The following MROH2B variants were observed in gnomAD, a reference collection of about 807,000 sequenced individuals.
The protein encoded by MROH2B is maestro heat-like repeat-containing protein family member 2B.
A neutral mutation model predicts 208.6 loss-of-function variants in MROH2B; 177 were observed. That is an observed-to-expected ratio of 0.85 (90% CI 0.75 to 0.96). The LOEUF (loss-of-function observed/expected upper bound fraction) is 0.96, where lower values mean the gene tolerates loss of function less well. MROH2B is among the 40% of genes least tolerant of loss of function. The probability of loss-of-function intolerance (pLI) is 0.00; values close to 1 mark genes in which losing one functional copy is unlikely to be tolerated. For missense variants in MROH2B, 2,002 were observed against 1,878.7 expected, an observed-to-expected ratio of 1.07 and a Z score of -1.21; for synonymous variants, 728 against 659.0, an observed-to-expected ratio of 1.10 and a Z score of -1.60.
Position 41,045,863 on chromosome 5 carries a change from G to A in MROH2B, c.1729-10C>T. 1.2e-6 allele frequency: 2 copies of A among 1,600,702 alleles called. No homozygotes were observed. Among genetic ancestry groups the A allele is most frequent in the East Asian group, 2.2e-5 (1 of 44,756 alleles). The stretch of plus-strand genomic sequence containing the variant: ...AGGATTCTTTGAGCAACTGTTGTAG[G>A]AAGTGGAAGTTAGATGTGAATATGA... On this transcript the variant is annotated splice_polypyrimidine_tract_variant and intron_variant, in intron 17 of 41. Coordinates refer to ENST00000399564, the MANE Select transcript of MROH2B (RefSeq NM_173489.5).
In MROH2B at chr5:41,038,812, G is replaced by A. The variant is rs867205374; in HGVS notation, c.2138C>T (p.Pro713Leu). Residue 713 changes from proline to leucine, a missense_variant, in exon 21 of 42, where the codon CCC becomes CTC. By Grantham distance (98) the Pro-to-Leu change is moderately conservative. Coordinates refer to ENST00000399564, the MANE Select transcript of MROH2B (RefSeq NM_173489.5). ...AAGTCTGGAGAGAAGTTGCTTCTTG[G>A]GAGCATGGAGGGCCACTGCTCCATA... ...VIYGAVALHAPKKQLLSRLNQ... is the reference protein window; with the variant it reads ...VIYGAVALHALKKQLLSRLNQ... The A allele has an allele frequency of 1.1e-5, 17 of 1,613,602 alleles. No individual in the cohort carries two copies. Among genetic ancestry groups the A allele is most frequent in the Non-Finnish European group, 1.4e-5 (16 of 1,179,686 alleles).
intron 19 of MROH2B, among the ~76,000 whole-genome samples, chr5:41,039,915 G>C (rs1742890614): frequency 6.6e-6 from 1 of 152,176 alleles, no homozygotes. Flanking sequence ...ACAATGAGCA[G>C]AGCCTTGAAA....
rs1249330260 is a variant in MROH2B, at chr5:41,012,688, C to T, written c.3030G>A (p.Glu1010=). The part of the protein sequence containing the change: ...IPNEEILMFL[E]EMLDGLESLN... The stretch of plus-strand genomic sequence containing the variant: ...GGCTCTCCAGACCGTCCAGCATTTC[C>T]TCTAGGAACATCAGAATTTCTTCAT... The change falls in exon 30 of 42, where the codon GAG becomes GAA. Residue 1010 remains glutamate (E), a synonymous_variant. Transcript: ENST00000399564. The T allele has an allele frequency of 1.2e-6, 2 of 1,613,894 alleles. No individual in the cohort carries two copies. The highest frequency in any genetic ancestry group is 1.7e-6 in the Non-Finnish European group (2 of 1,179,810).
chr5:41,041,251 T>C (rs1180642456), intron 19 of MROH2B, among the ~76,000 whole-genome samples: 1 of 152,210 alleles, frequency 6.6e-6, no homozygotes, highest in Non-Finnish European at 1.5e-5. Context: ...GGAGAAAATA[T>C]AACACACTAT....
intron 28 of MROH2B, among the ~76,000 whole-genome samples, chr5:41,016,476 A>G (rs1487115291): frequency 7.3e-6 from 1 of 137,834 alleles, no homozygotes; most frequent in Non-Finnish European, 1.6e-5. Context: ...CCCTACTGGC[A>G]TATTTCTGTT....
intron 24 of MROH2B, among the ~76,000 whole-genome samples, chr5:41,029,043 C>T (rs773133015): frequency 6.6e-6 from 1 of 151,980 alleles, no homozygotes; most frequent in Admixed American, 6.6e-5. Flanking sequence ...TCTTTTGGAC[C>T]CTCCATCCCG....
In MROH2B at chr5:41,042,113, G is replaced by T; in HGVS notation, c.1932C>A (p.Asn644Lys). ...SQIKEFLTAP[N>K]QLGDQRQGIT... Reference sequence around the variant, plus strand: ...CCACCTGTCTTTGATCCCCCAGTTGGTTGGGAGCAGTCAGAAACTCCTTAA... The same window carrying T: ...CCACCTGTCTTTGATCCCCCAGTTGTTTGGGAGCAGTCAGAAACTCCTTAA... The change falls in exon 19 of 42, where the codon AAC becomes AAA. Residue 644 changes from asparagine to lysine, a missense_variant. Asn to Lys is a moderately conservative substitution (Grantham distance 94). Transcript: ENST00000399564. 6.3e-7 allele frequency: 1 copy of T among 1,590,894 alleles called. No homozygotes were observed. Among genetic ancestry groups the T allele is most frequent in the Non-Finnish European group, 8.6e-7 (1 of 1,167,468 alleles).
At chr5:41,050,618 A>G (rs558727317) in intron 13 of MROH2B, among the ~76,000 whole-genome samples, 1 of 152,188 alleles carries the variant, frequency 6.6e-6, no homozygotes, top group Non-Finnish European at 1.5e-5. Flanking sequence ...GTGAGGCCTG[A>G]GAATGGCTGC....
intron 17 of MROH2B, 102 bp downstream of exon 17, chr5:41,047,619 T>C: frequency 9.7e-7 from 1 of 1,035,636 alleles, no homozygotes; most frequent in Non-Finnish European, 1.4e-6. Flanking sequence ...AGGAAAAGGT[T>C]GTTTATTATC....
At chr5:41,030,526 T>C (rs1348149873) in intron 24 of MROH2B, among the ~76,000 whole-genome samples, 1 of 152,102 alleles carries the variant, frequency 6.6e-6, no homozygotes, top group Admixed American at 6.6e-5. Context: ...AGAATCAATG[T>C]TGTGAAAATG....
chr5:41,021,580 T>A (rs572744342), intron 24 of MROH2B, among the ~76,000 whole-genome samples: 1 of 152,290 alleles, frequency 6.6e-6, no homozygotes, highest in Non-Finnish European at 1.5e-5. Context: ...GTAACTGGCA[T>A]AAAGACAGAC....
chr5:41,063,312 G>T (rs1167410741), intron 5 of MROH2B, among the ~76,000 whole-genome samples: 1 of 152,206 alleles, frequency 6.6e-6, no homozygotes, highest in Non-Finnish European at 1.5e-5. Flanking sequence ...TAGCTGCACA[G>T]GTCCTTGAGT....
chr5:41,007,825 T>C (rs974209377), intron 33 of MROH2B, among the ~76,000 whole-genome samples: 1 of 152,258 alleles, frequency 6.6e-6, no homozygotes, highest in African/African-American at 2.4e-5. Flanking sequence ...ACTTGTGATG[T>C]AGTTGCTATT....
At chr5:40,998,545 A>G in intron 41 of MROH2B, 67 bp downstream of exon 41, 1 of 1,317,674 alleles carries the variant, frequency 7.6e-7, no homozygotes, top group Non-Finnish European at 1.1e-6. Context: ...GGAACTTAGA[A>G]CAGCAATATT....
intron 24 of MROH2B, among the ~76,000 whole-genome samples, chr5:41,020,676 G>A (rs1041264297): frequency 1.3e-5 from 2 of 152,094 alleles, no homozygotes; most frequent in African/African-American, 4.8e-5. Context: ...GTTTATCAAA[G>A]TATTATTTAT....
intron 41 of MROH2B, 63 bp from the exon 42 acceptor site, chr5:40,998,221 ACCAAG>A: frequency 7.0e-7 from 1 of 1,424,696 alleles, no homozygotes; most frequent in Non-Finnish European, 9.8e-7. Context: ...AGAAGGGCAA[ACCAAG>A]CCAAGGCCCA....
intron 24 of MROH2B, among the ~76,000 whole-genome samples, chr5:41,019,335 T>A (rs1472292869): frequency 9.1e-5 from 5 of 55,094 alleles, no homozygotes; most frequent in Admixed American, 2.3e-4. Flanking sequence ...CCATCTTGTG[T>A]GTGTGTGTGA....
At chr5:41,033,471 A>G (rs1414048864) in intron 22 of MROH2B, among the ~76,000 whole-genome samples, 1 of 152,156 alleles carries the variant, frequency 6.6e-6, no homozygotes. Flanking sequence ...TATGTTTAAT[A>G]TATAACAGAA....
Position 41,038,822 on chromosome 5 carries a change from G to T in MROH2B, c.2128C>A (p.Leu710Ile). Residue 710 changes from leucine (L) to isoleucine (I), a missense_variant, in exon 21 of 42, where the codon CTC becomes ATC. Physicochemically the swap from Leu to Ile is conservative, Grantham distance 5. Transcript: ENST00000399564. ...AGAAGTTGCTTCTTGGGAGCATGGA[G>T]GGCCACTGCTCCATAGATGACCATG... ...DVMVIYGAVA[L>I]HAPKKQLLSR... is the part of the protein sequence containing the mutation. 1 of 1,613,432 alleles carries T rather than the reference G, an allele frequency of 6.2e-7. No homozygotes were observed. Among genetic ancestry groups the T allele is most frequent in the Admixed American group, 1.7e-5 (1 of 60,010 alleles).
Sources: gnomAD v4.1 joint callset for allele counts (sites outside exome capture counted in the v4.1 genomes callset) on GRCh38, gnomAD v4.1.1 for gene constraint, MANE v1.5 for transcripts, NCBI Gene and HGNC (gene_info 2026-07-23, HGNC 2026-07-21) for gene names.